TGM4: variants seen among roughly 807,000 people sequenced by gnomAD.
TGM4 encodes the protein protein-glutamine gamma-glutamyltransferase 4.
A neutral mutation model predicts 76.3 loss-of-function variants in TGM4; 61 were observed. That is an observed-to-expected ratio of 0.80 (90% CI 0.65 to 0.99). The LOEUF (loss-of-function observed/expected upper bound fraction) is 0.99. TGM4 is among the 50% of genes least tolerant of loss of function. TGM4 has a pLI of 0.00. For missense variants in TGM4, 794 were observed against 843.2 expected (o/e 0.94, Z 0.72); for synonymous variants, 337 against 329.8 (o/e 1.02, Z -0.24).
intron 3 of TGM4, chr3:44,889,056 C>A (rs1699651437): frequency 6.6e-6 from 1 of 151,114 alleles, no homozygotes; most frequent in Admixed American, 6.6e-5. Context: ...TCATTCCAAA[C>A]TTTTAAACAA....
intron 10 of TGM4, 57 bp downstream of exon 10, chr3:44,907,257 A>G (rs1435463547): frequency 1.0e-5 from 16 of 1,586,694 alleles, no homozygotes; most frequent in Non-Finnish European, 1.4e-5. Context: ...AGAACATGAA[A>G]ATAGTCAAGA....
chr3:44,884,235 A>G (rs1272087744), intron 1 of TGM4, among the ~76,000 whole-genome samples: 1 of 152,196 alleles, frequency 6.6e-6, no homozygotes, highest in African/African-American at 2.4e-5. Flanking sequence ...GAACATAAGT[A>G]GTTTTACAAC....
intron 4 of TGM4, among the ~76,000 whole-genome samples, chr3:44,892,402 G>A (rs568402097): frequency 9.6e-5 from 12 of 124,828 alleles, no homozygotes; most frequent in Admixed American, 1.9e-4. Flanking sequence ...CACTCTTGTC[G>A]CCCAGGCTGG....
At chr3:44,892,599 G>T (rs1002286838) in intron 4 of TGM4, among the ~76,000 whole-genome samples, 4 of 152,066 alleles carry the variant, frequency 2.6e-5, no homozygotes, top group Admixed American at 6.5e-5. Flanking sequence ...TCGAACTCCT[G>T]ACCTCAGGTG....
intron 5 of TGM4, among the ~76,000 whole-genome samples, chr3:44,894,948 G>A (rs912549228): frequency 6.6e-6 from 1 of 152,148 alleles, no homozygotes; most frequent in Non-Finnish European, 1.5e-5. Context: ...CGAACCGCAG[G>A]AGGGGTAGGG....
At chr3:44,884,578 C>T (rs1016282372) in intron 1 of TGM4, among the ~76,000 whole-genome samples, 6 of 152,024 alleles carry the variant, frequency 3.9e-5, no homozygotes, top group South Asian at 2.1e-4. Context: ...GGTGATGCGC[C>T]GCCCCCACAG....
intron 2 of TGM4, among the ~76,000 whole-genome samples, chr3:44,886,075 A>G (rs1197906848): frequency 6.6e-6 from 1 of 152,184 alleles, no homozygotes; most frequent in Non-Finnish European, 1.5e-5. Context: ...TGGGCATGGC[A>G]GCTCATGCCT....
At chr3:44,876,242 C>A (rs565945502) in intron 1 of TGM4, among the ~76,000 whole-genome samples, 1 of 152,330 alleles carries the variant, frequency 6.6e-6, no homozygotes, top group South Asian at 2.1e-4. Context: ...TCTAAATCAC[C>A]AAAGACAGTC....
chr3:44,897,165 C>T (rs997759032), intron 6 of TGM4, among the ~76,000 whole-genome samples: 5 of 152,020 alleles, frequency 3.3e-5, no homozygotes, highest in South Asian at 2.1e-4. Context: ...CCACCACGCC[C>T]GGCTAATTTT....
In TGM4 at chr3:44,903,988, G is replaced by T. The variant is rs1299951142; in HGVS notation, c.1075+1G>T. The T allele has an allele frequency of 2.3e-5, 37 of 1,613,382 alleles. No individual in the cohort carries two copies. Among genetic ancestry groups the T allele is most frequent in the Non-Finnish European group, 3.1e-5 (36 of 1,179,950 alleles). ...GCAACGCCGCAGGAGCGAAGCCAGG[G>T]TGAGTGGGTGGCAGGAAGGCGCTGG... On this transcript the variant is annotated splice_donor_variant, in intron 9 of 13. Transcript: ENST00000296125. LOFTEE classifies it high-confidence loss of function.
intron 10 of TGM4, 36 bp downstream of exon 10, chr3:44,907,236 C>T (rs1333016729): frequency 5.0e-6 from 8 of 1,605,768 alleles, no homozygotes; most frequent in Non-Finnish European, 6.8e-6. Flanking sequence ...GACTCAGCCC[C>T]TGAGTCACCC....
At chr3:44,901,402 T>C in intron 6 of TGM4, 122 bp from the exon 7 acceptor site, 1 of 1,217,370 alleles carries the variant, frequency 8.2e-7, no homozygotes. Context: ...AAAGCCCACG[T>C]CCTCCAAGTA....
At position 44,910,101 on chromosome 3, in the gene TGM4, G is replaced by T; in HGVS notation, c.1339G>T (p.Glu447Ter). ...EYKYPEGSSE[E>*]RQVMDHAFLL... ...TGTGTCTCTTTCAGGCTCCTCTGAG[G>T]AGAGGCAGGTCATGGATCATGCCTT... is the stretch of plus-strand genomic sequence containing the variant. Residue 447 changes from glutamate (E) to a stop codon, truncating the protein, a stop_gained, in exon 11 of 14, where the codon GAG (glutamate) becomes TAG (stop). Transcript: ENST00000296125. LOFTEE classifies it high-confidence loss of function. 1 of 1,613,974 alleles carries T rather than the reference G, an allele frequency of 6.2e-7. No homozygotes were observed. Among genetic ancestry groups the T allele is most frequent in the South Asian group, 1.1e-5 (1 of 91,068 alleles).
chr3:44,894,038 C>T (rs1379228104), intron 5 of TGM4, among the ~76,000 whole-genome samples: 1 of 71,412 alleles, frequency 1.4e-5, no homozygotes, highest in Non-Finnish European at 2.7e-5. Context: ...CCCCTTGACT[C>T]TCTCCCCACC....
Position 44,885,313 on chromosome 3 carries a change from C to T in TGM4, c.20-12C>T, listed in dbSNP as rs556800894. The T allele has an allele frequency of 5.0e-6, 8 of 1,598,048 alleles. No homozygotes were observed. Among genetic ancestry groups the T allele is most frequent in the East Asian group, 2.2e-5 (1 of 44,476 alleles). Reference sequence around the variant, plus strand: ...CTGTGCTCTCTTTCCACATGTGCTGCGTTGCTGACAGAGCTGCAAGTTCTC... The same window carrying T: ...CTGTGCTCTCTTTCCACATGTGCTGTGTTGCTGACAGAGCTGCAAGTTCTC... On this transcript the variant is annotated splice_polypyrimidine_tract_variant and intron_variant, in intron 1 of 13. Transcript: ENST00000296125.
chr3:44,913,859 AAC>A lies in TGM4; in HGVS notation c.*138_*139del, dbSNP rs912322686. ...CAAGAGCCAGCAGGTCAAAAAGGCC[AAC>A]ACAACCATAAGCAGCCAGACCCACA... On this transcript the variant is annotated 3_prime_UTR_variant, in exon 14 of 14. Transcript: ENST00000296125. 1.6e-6 allele frequency: 2 copies of A among 1,277,228 alleles called. No homozygotes were observed. The highest frequency in any genetic ancestry group is 2.1e-6 in the Non-Finnish European group (2 of 930,284). The allele number at this position is 1,277,228 out of a possible 1,614,324, so 79.1% of individuals were successfully genotyped here.
At chr3:44,880,359 T>C (rs961684205) in intron 1 of TGM4, among the ~76,000 whole-genome samples, 1 of 152,166 alleles carries the variant, frequency 6.6e-6, no homozygotes, top group Admixed American at 6.5e-5. Flanking sequence ...AGGACAACTG[T>C]TTATTTTACT....
chr3:44,901,878 C>A lies in TGM4; in HGVS notation c.918C>A (p.Thr306=). Residue 306 remains threonine, a synonymous_variant, in exon 8 of 14, where the codon ACC becomes ACA. Coordinates refer to ENST00000296125, the MANE Select transcript of TGM4 (RefSeq NM_003241.4). The stretch of plus-strand genomic sequence containing the variant: ...CAGAAAGGAACCTCACGGTGGACAC[C>A]TATGTGAATGAGAATGGCGAGAAAA... ...HDTERNLTVD[T]YVNENGEKIT... 6.2e-7 allele frequency: 1 copy of A among 1,614,212 alleles called. No homozygotes were observed. Among genetic ancestry groups the A allele is most frequent in the South Asian group, 1.1e-5 (1 of 91,076 alleles).
rs768530472 is a variant in TGM4 at position 44,887,715 on chromosome 3, A to G, written c.220A>G (p.Thr74Ala). ...TGPNPSIAKH[T>A]LVVLDPRTPS... is the part of the protein sequence containing the mutation. ...GCCGAATCCTAGCATCGCCAAACAC[A>G]CCCTGGTGGTGCTCGACCCGAGGAC... Residue 74 changes from threonine (T) to alanine (A), a missense_variant, in exon 3 of 14, where the codon ACC becomes GCC. Coordinates refer to ENST00000296125, the MANE Select transcript of TGM4 (RefSeq NM_003241.4). 4.4e-5 allele frequency: 71 copies of G among 1,613,856 alleles called. No homozygotes were observed. Among genetic ancestry groups the G allele is most frequent in the Non-Finnish European group, 5.5e-5 (65 of 1,179,954 alleles).
Sources: gnomAD v4.1 joint callset for allele counts (sites outside exome capture counted in the v4.1 genomes callset) on GRCh38, gnomAD v4.1.1 for gene constraint, MANE v1.5 for transcripts, NCBI Gene and HGNC (gene_info 2026-07-23, HGNC 2026-07-21) for gene names.